The following SPINT1 variants were observed in gnomAD, a reference collection of about 807,000 sequenced individuals.
The protein encoded by SPINT1 is serine peptidase inhibitor, Kunitz type 1, also known as kunitz-type protease inhibitor 1.
Under a neutral mutation model 53.7 loss-of-function variants are expected in SPINT1, and 38 were observed. The ratio of observed to expected loss-of-function variants is 0.71; its 90% confidence interval spans 0.55 to 0.93. SPINT1 has a LOEUF of 0.93. Ranked by LOEUF, SPINT1 falls within the 40% of genes least tolerant of loss-of-function variation. The pLI is 0.00. For synonymous variants in SPINT1, 283 were observed against 280.6 expected (o/e 1.01, Z -0.08); for missense variants, 645 against 692.9 (o/e 0.93, Z 0.78).
intron 8 of SPINT1, 76 bp downstream of exon 8, chr15:40,854,765 C>T: frequency 3.8e-6 from 6 of 1,575,614 alleles, no homozygotes; most frequent in Non-Finnish European, 5.2e-6. Context: ...TCCAGCAGTG[C>T]CTGAGGGGCC....
chr15:40,847,343 G>A (rs540242097), intron 2 of SPINT1, among the ~76,000 whole-genome samples: 22 of 152,360 alleles, frequency 1.4e-4, no homozygotes, highest in South Asian at 2.1e-4. Context: ...TTAAGGGCTA[G>A]GGTGGATGAG....
Position 40,853,806 on chromosome 15 carries a change from T to C in SPINT1, c.838T>C (p.Tyr280His), listed in dbSNP as rs201712230. 2.5e-6 allele frequency: 4 copies of C among 1,614,208 alleles called. No homozygotes were observed. Among genetic ancestry groups the C allele is most frequent in the Non-Finnish European group, 3.4e-6 (4 of 1,180,038 alleles). ...PTEQICKSFV[Y>H]GGCLGNKNNY... ...GGAGCAGATCTGCAAGAGTTTCGTT[T>C]ATGGAGGCTGCTTGGGCAACAAGAA... The change falls in exon 5 of 11, where the codon TAT (tyrosine) becomes CAT (histidine). Residue 280 changes from tyrosine to histidine, a missense_variant. Physicochemically the swap from Tyr to His is moderately conservative, Grantham distance 83. Transcript: ENST00000562057.
chr15:40,847,004 C>T (rs1891317866), intron 2 of SPINT1, among the ~76,000 whole-genome samples: 1 of 152,182 alleles, frequency 6.6e-6, no homozygotes, highest in Non-Finnish European at 1.5e-5. Flanking sequence ...CCATGGGAGT[C>T]CCTCTCCAGA....
rs1160583746 is a variant in SPINT1, at chr15:40,844,972, T to C, written c.418T>C (p.Tyr140His). 5 of 1,613,752 alleles carry C rather than the reference T, an allele frequency of 3.1e-6. No homozygotes were observed. The African/African-American group carries it at 4.0e-5, about 13-fold the overall frequency. Residue 140 changes from tyrosine to histidine, a missense_variant, in exon 2 of 11, where the codon TAC (tyrosine) becomes CAC (histidine). Physicochemically the swap from Tyr to His is moderately conservative, Grantham distance 83. Coordinates refer to ENST00000562057, the MANE Select transcript of SPINT1 (RefSeq NM_003710.4). The surrounding 1 kb of genome is among the most constrained non-coding windows in gnomAD (Gnocchi z 5.8). ...CGCGCCCAGGGAGGGCTTCATCAAC[T>C]ACCTCACGAGGGAAGTGTACCGCTC... ...KFAPREGFIN[Y>H]LTREVYRSYR...
chr15:40,854,932 A>G (rs1693005948), intron 8 of SPINT1, among the ~76,000 whole-genome samples: 1 of 152,196 alleles, frequency 6.6e-6, no homozygotes, highest in South Asian at 2.1e-4. Context: ...AACTTCAGCC[A>G]TGTCCACCAC....
intron 2 of SPINT1, among the ~76,000 whole-genome samples, chr15:40,852,854 T>C (rs915378955): frequency 5.4e-5 from 8 of 148,116 alleles, no homozygotes; most frequent in African/African-American, 1.5e-4. Flanking sequence ...CTAGGAAACA[T>C]AGCAAGACCC....
chr15:40,853,468 G>T, intron 3 of SPINT1, 21 bp from the exon 4 acceptor site: 4 of 1,614,074 alleles, frequency 2.5e-6, no homozygotes, highest in Non-Finnish European at 3.4e-6. Flanking sequence ...GCCCAAGCCT[G>T]ATAGCCACTC....
At chr15:40,854,722 C>T (rs764309903) in intron 8 of SPINT1, 33 bp downstream of exon 8, 1 of 1,612,570 alleles carries the variant, frequency 6.2e-7, no homozygotes, top group South Asian at 1.1e-5. Context: ...TGGATCAGGG[C>T]AGACGCTGAC....
At chr15:40,850,060 G>C (rs961551182) in intron 2 of SPINT1, among the ~76,000 whole-genome samples, 1 of 152,084 alleles carries the variant, frequency 6.6e-6, no homozygotes, top group Admixed American at 6.6e-5. Context: ...TTCTCCTTTT[G>C]TTTTTTCTTT....
chr15:40,845,706 C>T (rs1891274488), intron 2 of SPINT1, among the ~76,000 whole-genome samples: 1 of 152,082 alleles, frequency 6.6e-6, no homozygotes, highest in South Asian at 2.1e-4. Context: ...AGAGGAAGTC[C>T]CCAGGACTCC....
rs1175201308 is a variant in SPINT1, at chr15:40,855,899, C to T, written c.1125C>T (p.Cys375=). The T allele has an allele frequency of 7.4e-6, 12 of 1,613,922 alleles. No homozygotes were observed. Among genetic ancestry groups the T allele is most frequent in the Admixed American group, 3.3e-5 (2 of 60,006 alleles). Residue 375 remains cysteine, a synonymous_variant, in exon 9 of 11, where the codon TGC becomes TGT. Transcript: ENST00000562057. ...CTACCCCATACCCCCCAGGGCACTG[C>T]GTGGACCTGCCAGACACAGGACTCT... ...RIHFPSDKGH[C]VDLPDTGLCK...
In SPINT1 at chr15:40,844,882, G is replaced by A. The variant is rs747611192; in HGVS notation, c.328G>A (p.Glu110Lys). ...ALVELQPDRG[E>K]DAIAACFLIN... The stretch of plus-strand genomic sequence containing the variant: ...AGTGGAGCTGCAGCCCGACCGCGGG[G>A]AGGACGCCATCGCCGCCTGCTTCCT... The change falls in exon 2 of 11, where the codon GAG (glutamate) becomes AAG (lysine). Residue 110 changes from glutamate (E) to lysine (K), a missense_variant. Transcript: ENST00000562057. The surrounding 1 kb of genome is among the most constrained non-coding windows in gnomAD (Gnocchi z 5.8). 1.2e-6 allele frequency: 2 copies of A among 1,613,830 alleles called. No individual in the cohort carries two copies. Among genetic ancestry groups the A allele is most frequent in the Non-Finnish European group, 1.7e-6 (2 of 1,180,042 alleles).
chr15:40,854,328 G>C, intron 6 of SPINT1, 69 bp from the exon 7 acceptor site: 1 of 1,509,798 alleles, frequency 6.6e-7, no homozygotes, highest in African/African-American at 1.4e-5. Context: ...GGGCAGAGAG[G>C]GCCAAGTAGA....
At chr15:40,853,961 G>C in intron 5 of SPINT1, 80 bp downstream of exon 5, 1 of 1,611,418 alleles carries the variant, frequency 6.2e-7, no homozygotes, top group Non-Finnish European at 8.5e-7. Context: ...TGGCCAGGGA[G>C]GTGGGTGGTG....
In SPINT1 at chr15:40,856,280, GGAT is replaced by G; in HGVS notation, c.1295_1297del (p.Asp432del). On this transcript the variant is annotated inframe_deletion, in exon 10 of 11. Transcript: ENST00000562057. Reference sequence around the variant, plus strand: ...TTTCCCCTCATCATTCTGCAGAGAAGGATGTGTTTGGCCTGAGGCGGGAAATCC... The same window carrying G: ...TTTCCCCTCATCATTCTGCAGAGAAGGTGTTTGGCCTGAGGCGGGAAATCC... 6.2e-7 allele frequency: 1 copy of G among 1,614,168 alleles called. No homozygotes were observed. The highest frequency in any genetic ancestry group is 8.5e-7 in the Non-Finnish European group (1 of 1,180,030).
intron 3 of SPINT1, 85 bp from the exon 4 acceptor site, chr15:40,853,404 G>A: frequency 1.9e-6 from 3 of 1,609,830 alleles, no homozygotes; most frequent in Non-Finnish European, 1.7e-6. Context: ...GCCTCCCCAG[G>A]GGTGTGGGTG....
chr15:40,844,482 C>G lies in SPINT1; in HGVS notation c.-65-8C>G, dbSNP rs745897404. 2 of 1,456,218 alleles carry G rather than the reference C, an allele frequency of 1.4e-6. No homozygotes were observed. The highest frequency in any genetic ancestry group is 1.7e-5 in the Admixed American group (1 of 59,650). 90.2% of individuals were successfully genotyped at this position (1,456,218 alleles called of 1,614,324 possible). ...TGTCTCCTCCTCTGTCCCCTCCCTT[C>G]TTCTCAGGTCACCAGCACCCTCGGA... On this transcript the variant is annotated splice_region_variant and splice_polypyrimidine_tract_variant and intron_variant, in intron 1 of 10. Transcript: ENST00000562057. This position sits in a 1 kb window ranked among gnomAD's most constrained non-coding sequence, Gnocchi z 5.8.
Position 40,853,567 on chromosome 15 carries a change from G to T in SPINT1, c.682G>T (p.Asp228Tyr). ...YLFQLTVTSS[D>Y]HPEDTANVTV... ...GTTCCAGCTGACAGTGACTAGCTCA[G>T]ACCACCCAGAGGACACGGCCAACGT... The change falls in exon 4 of 11, where the codon GAC becomes TAC. Residue 228 changes from aspartate to tyrosine, a missense_variant. Transcript: ENST00000562057. 6.2e-7 allele frequency: 1 copy of T among 1,614,084 alleles called. No individual in the cohort carries two copies. The highest frequency in any genetic ancestry group is 8.5e-7 in the Non-Finnish European group (1 of 1,179,970).
In SPINT1 at chr15:40,857,341, G is replaced by C. The variant is rs111673689; in HGVS notation, c.*366G>C. 2.3e-5 allele frequency: 6 copies of C among 265,448 alleles called. No individual in the cohort carries two copies. Among genetic ancestry groups the C allele is most frequent in the Non-Finnish European group, 4.3e-5 (6 of 139,334 alleles). 16.4% of individuals were successfully genotyped at this position (265,448 alleles called of 1,614,324 possible). On this transcript the variant is annotated 3_prime_UTR_variant, in exon 11 of 11. Coordinates refer to ENST00000562057, the MANE Select transcript of SPINT1 (RefSeq NM_003710.4). ...CTGGAGGCCCCAACCCTGTCCTCCC[G>C]AGCTCCTCTTCCATGCTGTGCGCCC...
Sources: gnomAD v4.1 joint callset for allele counts (sites outside exome capture counted in the v4.1 genomes callset) on GRCh38, gnomAD v4.1.1 for gene constraint, Gnocchi (gnomAD v3.1) non-coding constraint, MANE v1.5 for transcripts, NCBI Gene and HGNC (gene_info 2026-07-23, HGNC 2026-07-21) for gene names.